Variants in OR5AN1 observed in about 807,000 individuals in gnomAD.
The protein encoded by OR5AN1 is olfactory receptor family 5 subfamily AN member 1.
For missense variants in OR5AN1, 476 were observed against 368.9 expected (o/e 1.29, Z -2.38); for synonymous variants, 167 against 131.8 (o/e 1.27, Z -1.83).
chr11:59,367,768 T>C lies in OR5AN1; in HGVS notation c.*2374T>C, dbSNP rs549861971. On this transcript the variant is annotated 3_prime_UTR_variant, in exon 2 of 2. Transcript: ENST00000641998. ...GACTATGCTTTAGGTGGGTGTCCAATCCCATTCCTCTTCACTGGGCAGGAC... is the reference window on the plus strand; with the variant it reads ...GACTATGCTTTAGGTGGGTGTCCAACCCCATTCCTCTTCACTGGGCAGGAC... The C allele has an allele frequency of 8.5e-4, 129 of 152,420 alleles. 1 individual carries two copies. The highest frequency in any genetic ancestry group is 3.0e-3 in the African/African-American group (124 of 41,548). 9.4% of individuals were successfully genotyped at this position (152,420 alleles called of 1,614,324 possible). A position where few individuals can be genotyped will look rare whatever the true frequency, so the allele number is the denominator to read the frequency against.
rs530248897 is a variant in OR5AN1 at position 59,363,470 on chromosome 11, G to T, written c.-13-976G>T. 2.0e-5 allele frequency among the ~76,000 whole-genome samples: 3 copies of T among 152,234 alleles called. No individual in the cohort carries two copies. In the South Asian group the frequency reaches 6.2e-4, roughly 32 times the overall value. ...AGTGAGCTGCACTAGCCTCCTTCTG[G>T]AATGCTTTGTATTAAGGCTTCCCTG... On this transcript the variant is annotated intron_variant, in intron 1 of 1. Transcript: ENST00000641998.
In OR5AN1 at chr11:59,361,984, TTG is replaced by T. The variant is rs144506810; in HGVS notation, c.-13-2437_-13-2436del. On this transcript the variant is annotated intron_variant, in intron 1 of 1. Transcript: ENST00000641998. Reference sequence around the variant, plus strand: ...TGGTTTGTAAGGAGTGTGTGTGTGTTTGTGTGTGTGTGTGTGTGTGTGTGTGA... The same window carrying T: ...TGGTTTGTAAGGAGTGTGTGTGTGTTTGTGTGTGTGTGTGTGTGTGTGTGA... Among the ~76,000 whole-genome samples, 867 of 139,026 alleles carry T rather than the reference TTG, an allele frequency of 6.2e-3. 4 individuals carry two copies. Among genetic ancestry groups the T allele is most frequent in the Middle Eastern group, 0.011 (3 of 276 alleles). The allele number at this position is 139,026 out of a possible 152,430, so 91.2% of individuals were successfully genotyped here.
At chr11:59,360,845 AC>A (rs1201720646) in intron 1 of OR5AN1, among the ~76,000 whole-genome samples, 2 of 152,204 alleles carry the variant, frequency 1.3e-5, no homozygotes, top group Non-Finnish European at 2.9e-5. Flanking sequence ...AGTTAACAAA[AC>A]CATAATGGAA....
rs147528902 is a variant in OR5AN1 at position 59,365,466 on chromosome 11, A to G, written c.*72A>G. The G allele has an allele frequency of 1.2e-3, 1,039 of 898,290 alleles. 19 individuals are homozygous for G. In the African/African-American group the frequency reaches 0.015, roughly 13 times the overall value. The allele number at this position is 898,290 out of a possible 1,614,324, so 55.6% of individuals were successfully genotyped here. A position where few individuals can be genotyped will look rare whatever the true frequency, so the allele number is the denominator to read the frequency against. On this transcript the variant is annotated 3_prime_UTR_variant, in exon 2 of 2. Coordinates refer to ENST00000641998, the MANE Select transcript of OR5AN1 (RefSeq NM_001004729.2). ...CCCTAACCCACAAAATATGATAATG[A>G]ATGGACTATAACAAAATTCATGCTG... is the stretch of plus-strand genomic sequence containing the variant.
Position 59,370,376 on chromosome 11 carries a change from G to A in OR5AN1, c.*4982G>A, listed in dbSNP as rs1437281842. ...TGTCTTCAAGAGACCCGTCTCACAT[G>A]TAAGACACACACAGGCTCAAAATAA... On this transcript the variant is annotated 3_prime_UTR_variant, in exon 2 of 2. Coordinates refer to ENST00000641998, the MANE Select transcript of OR5AN1 (RefSeq NM_001004729.2). 1 of 152,146 alleles carries A rather than the reference G, an allele frequency of 6.6e-6. No individual in the cohort carries two copies. The allele number at this position is 152,146 out of a possible 1,614,324, so 9.4% of individuals were successfully genotyped here. A position where few individuals can be genotyped will look rare whatever the true frequency, so the allele number is the denominator to read the frequency against.
At chr11:59,359,662 C>T (rs1003911255) in intron 1 of OR5AN1, 2 of 152,156 alleles carry the variant, frequency 1.3e-5, no homozygotes, top group Non-Finnish European at 1.5e-5. Context: ...CTATATAAGG[C>T]TGTTAGAACT....
In OR5AN1 at chr11:59,369,227, A is replaced by G. The variant is rs1213628086; in HGVS notation, c.*3833A>G. The G allele has an allele frequency of 1.3e-5, 2 of 152,182 alleles. No homozygotes were observed. Among genetic ancestry groups the G allele is most frequent in the Admixed American group, 6.5e-5 (1 of 15,276 alleles). 9.4% of individuals were successfully genotyped at this position (152,182 alleles called of 1,614,324 possible). ...GGCCAAAATATCATATGTCCTCCAA[A>G]TGATCACACCAGTTCTCCAGCAAAG... On this transcript the variant is annotated 3_prime_UTR_variant, in exon 2 of 2. Coordinates refer to ENST00000641998, the MANE Select transcript of OR5AN1 (RefSeq NM_001004729.2).
rs1280301904 is a variant in OR5AN1 at position 59,366,531 on chromosome 11, T to G, written c.*1137T>G. ...GTAGTTAACCAATATACTTCATAAT[T>G]TAAAATTAAAAATTTTCTCCTTGTC... On this transcript the variant is annotated 3_prime_UTR_variant, in exon 2 of 2. Transcript: ENST00000641998. The G allele has an allele frequency of 6.6e-6, 1 of 152,204 alleles. No individual in the cohort carries two copies. The highest frequency in any genetic ancestry group is 2.4e-5 in the African/African-American group (1 of 41,440). 9.4% of individuals were successfully genotyped at this position (152,204 alleles called of 1,614,324 possible).
rs148951949 is a variant in OR5AN1 at position 59,371,506 on chromosome 11, A to C, written c.*6112A>C. The C allele has an allele frequency of 6.6e-6, 1 of 152,206 alleles. No individual in the cohort carries two copies. The highest frequency in any genetic ancestry group is 1.5e-5 in the Non-Finnish European group (1 of 68,036). 9.4% of individuals were successfully genotyped at this position (152,206 alleles called of 1,614,324 possible). On this transcript the variant is annotated 3_prime_UTR_variant, in exon 2 of 2. Transcript: ENST00000641998. ...GTACAGCTAAGGCTAACCTGCATCT[A>C]TGCTCCAGCTTCCAGGACTCCTCCC... is the stretch of plus-strand genomic sequence containing the variant.
At chr11:59,362,977 C>A (rs932966012) in intron 1 of OR5AN1, among the ~76,000 whole-genome samples, 1 of 152,170 alleles carries the variant, frequency 6.6e-6, no homozygotes, top group Non-Finnish European at 1.5e-5. Context: ...CATTATGGCT[C>A]TAGGTGGCTT....
At position 59,369,975 on chromosome 11, in the gene OR5AN1, A is replaced by G. The variant is rs1382876085; in HGVS notation, c.*4581A>G. On this transcript the variant is annotated 3_prime_UTR_variant, in exon 2 of 2. Coordinates refer to ENST00000641998, the MANE Select transcript of OR5AN1 (RefSeq NM_001004729.2). The stretch of plus-strand genomic sequence containing the variant: ...TTTGTCTTCCACATCCTTAAAGAAA[A>G]TAGTCTTCAACCAAGAATTTCATAT... 6.6e-6 allele frequency: 1 copy of G among 152,232 alleles called. No individual in the cohort carries two copies. Among genetic ancestry groups the G allele is most frequent in the Non-Finnish European group, 1.5e-5 (1 of 68,044 alleles). The allele number at this position is 152,232 out of a possible 1,614,324, so 9.4% of individuals were successfully genotyped here.
rs1204058566 is a variant in OR5AN1 at position 59,364,988 on chromosome 11, A to G, written c.530A>G (p.His177Arg). ...TTCTGTGGGTCTAATGTCATCAGAC[A>G]TTTCTTCTGTGACATGCCCCAACTG... ...LHFCGSNVIR[H>R]FFCDMPQLLI... The change falls in exon 2 of 2, where the codon CAT becomes CGT. Residue 177 changes from histidine (H) to arginine (R), a missense_variant. His to Arg is a conservative substitution (Grantham distance 29). Coordinates refer to ENST00000641998, the MANE Select transcript of OR5AN1 (RefSeq NM_001004729.2). The G allele has an allele frequency of 5.0e-6, 8 of 1,613,984 alleles. No individual in the cohort carries two copies. The highest frequency in any genetic ancestry group is 6.8e-6 in the Non-Finnish European group (8 of 1,180,000).
intron 1 of OR5AN1, among the ~76,000 whole-genome samples, chr11:59,360,558 T>G (rs1326476625): frequency 6.6e-6 from 1 of 152,186 alleles, no homozygotes; most frequent in Non-Finnish European, 1.5e-5. Flanking sequence ...GCATTAGCTA[T>G]TTTTCCTAAT....
intron 1 of OR5AN1, among the ~76,000 whole-genome samples, chr11:59,363,208 T>A (rs535184446): frequency 6.6e-6 from 1 of 152,368 alleles, no homozygotes; most frequent in South Asian, 2.1e-4. Flanking sequence ...TATACGTAAA[T>A]GTGTGCTAAG....
rs2134486789 is a variant in OR5AN1 at position 59,367,363 on chromosome 11, A to C, written c.*1969A>C. On this transcript the variant is annotated 3_prime_UTR_variant, in exon 2 of 2. Transcript: ENST00000641998. ...TCTTGGCAGAGCAGCCACTCAGGCCAGCATGGAGTCCTCGAAGGCTTAGAT... is the reference window on the plus strand; with the variant it reads ...TCTTGGCAGAGCAGCCACTCAGGCCCGCATGGAGTCCTCGAAGGCTTAGAT... 1 of 152,616 alleles carries C rather than the reference A, an allele frequency of 6.6e-6. No individual in the cohort carries two copies. Among genetic ancestry groups the C allele is most frequent in the East Asian group, 1.9e-4 (1 of 5,194 alleles). 9.5% of individuals were successfully genotyped at this position (152,616 alleles called of 1,614,324 possible).
At position 59,371,283 on chromosome 11, in the gene OR5AN1, G is replaced by A. The variant is rs566804856; in HGVS notation, c.*5889G>A. 3 of 152,066 alleles carry A rather than the reference G, an allele frequency of 2.0e-5. No homozygotes were observed. The highest frequency in any genetic ancestry group is 7.2e-5 in the African/African-American group (3 of 41,406). 9.4% of individuals were successfully genotyped at this position (152,066 alleles called of 1,614,324 possible). ...AAAAACATAGTATGAGTGCAAAAATGTTCACTGATTTGGAGAGAAAGATTG... is the reference window on the plus strand; with the variant it reads ...AAAAACATAGTATGAGTGCAAAAATATTCACTGATTTGGAGAGAAAGATTG... On this transcript the variant is annotated 3_prime_UTR_variant, in exon 2 of 2. Transcript: ENST00000641998.
chr11:59,363,399 G>A (rs1196093106), intron 1 of OR5AN1, among the ~76,000 whole-genome samples: 2 of 152,272 alleles, frequency 1.3e-5, no homozygotes, highest in East Asian at 3.9e-4. Context: ...ACATTACTAT[G>A]CTGTTTCCCA....
At chr11:59,363,822 G>T (rs953407586) in intron 1 of OR5AN1, among the ~76,000 whole-genome samples, 1 of 152,158 alleles carries the variant, frequency 6.6e-6, no homozygotes, top group African/African-American at 2.4e-5. Context: ...GAGAGCAGCA[G>T]CATGATCTCA....
At chr11:59,362,012 CAG>C (rs921478618) in intron 1 of OR5AN1, among the ~76,000 whole-genome samples, 4 of 148,830 alleles carry the variant, frequency 2.7e-5, no homozygotes, top group African/African-American at 7.4e-5. Context: ...GTGTGTGTGA[CAG>C]AGAGAGAGAA....
Sources: gnomAD v4.1 joint callset for allele counts (sites outside exome capture counted in the v4.1 genomes callset) on GRCh38, gnomAD v4.1.1 for gene constraint, MANE v1.5 for transcripts, NCBI Gene and HGNC (gene_info 2026-07-23, HGNC 2026-07-21) for gene names.